Variants in MYO10 observed in about 807,000 individuals in gnomAD.
MYO10 encodes the protein unconventional myosin-X.
In MYO10, 133 loss-of-function variants were observed where a neutral mutation model predicts 257.3. The observed-to-expected ratio is 0.52, with a 90% confidence interval of 0.45 to 0.60. The LOEUF (loss-of-function observed/expected upper bound fraction) is 0.60. Ranked by LOEUF, MYO10 falls within the 20% of genes least tolerant of loss-of-function variation. The pLI, the probability that MYO10 is intolerant of heterozygous loss-of-function variation, is 0.00. For synonymous variants in MYO10, 1,104 were observed against 1,028.6 expected, an observed-to-expected ratio of 1.07 and a Z score of -1.40; for missense variants, 2,399 against 2,635.7, an observed-to-expected ratio of 0.91 and a Z score of 1.97.
At chr5:16,826,088 C>T (rs1244651554) in intron 2 of MYO10, among the ~76,000 whole-genome samples, 1 of 151,842 alleles carries the variant, frequency 6.6e-6, no homozygotes, top group African/African-American at 2.4e-5. Context: ...GCGGAGGTTA[C>T]AGTGAGCCAA....
At chr5:16,915,192 T>C (rs748247463) in intron 1 of MYO10, among the ~76,000 whole-genome samples, 1 of 152,140 alleles carries the variant, frequency 6.6e-6, no homozygotes, top group African/African-American at 2.4e-5. Flanking sequence ...CTAAGGTATA[T>C]AGTGCAAGAC....
In MYO10 at chr5:16,701,500, G is replaced by C; in HGVS notation, c.2895C>G (p.Ser965Arg). The change falls in exon 25 of 41, where the codon AGC becomes AGG. Residue 965 changes from serine to arginine, a missense_variant. Physicochemically the swap from Ser to Arg is moderately radical, Grantham distance 110. Around this residue, in one of 3 missense-constraint regions of MYO10, gnomAD observed 1,820 missense variants for 1,939.4 expected, o/e 0.94. Coordinates refer to ENST00000513610, the MANE Select transcript of MYO10 (RefSeq NM_012334.3). The surrounding 1 kb of genome is among the most constrained non-coding windows in gnomAD (Gnocchi z 8.1). ...RNIERSLSVG[S>R]EFSSELAESA... is the part of the protein sequence containing the mutation. The stretch of plus-strand genomic sequence containing the variant: ...TCTCAGCCAGCTCGCTGGAAAATTC[G>C]CTTCCCACCGACAGGGACCGCTCGA... 6.2e-7 allele frequency: 1 copy of C among 1,613,936 alleles called. No individual in the cohort carries two copies. The highest frequency in any genetic ancestry group is 8.5e-7 in the Non-Finnish European group (1 of 1,179,894).
At chr5:16,799,251 G>C (rs1163449076) in intron 3 of MYO10, among the ~76,000 whole-genome samples, 1 of 132,758 alleles carries the variant, frequency 7.5e-6, no homozygotes, top group Non-Finnish European at 1.7e-5. Context: ...CATGGGCTTT[G>C]AATGAAGGTA....
rs2126432046 is a variant in MYO10, at chr5:16,662,447, C to T, written c.*4245G>A. On this transcript the variant is annotated 3_prime_UTR_variant, in exon 41 of 41. Transcript: ENST00000513610. Reference sequence around the variant, plus strand: ...CAAACGATTTTCTCATCTCAGCCTCCCCAGTAGCTGGGACTACAGATGCGC... The same window carrying T: ...CAAACGATTTTCTCATCTCAGCCTCTCCAGTAGCTGGGACTACAGATGCGC... 2 of 149,890 alleles carry T rather than the reference C, an allele frequency of 1.3e-5. No homozygotes were observed. The highest frequency in any genetic ancestry group is 4.0e-4 in the East Asian group (2 of 4,998). 9.3% of individuals were successfully genotyped at this position (149,890 alleles called of 1,614,324 possible). A position where few individuals can be genotyped will look rare whatever the true frequency, so the allele number is the denominator to read the frequency against.
At chr5:16,806,657 A>G (rs1742285853) in intron 3 of MYO10, among the ~76,000 whole-genome samples, 1 of 151,432 alleles carries the variant, frequency 6.6e-6, no homozygotes, top group Non-Finnish European at 1.5e-5. Flanking sequence ...CAAAAAAAAA[A>G]AAAATCAAGT....
At chr5:16,796,486 A>AG (rs1741976601) in intron 3 of MYO10, among the ~76,000 whole-genome samples, 1 of 151,450 alleles carries the variant, frequency 6.6e-6, no homozygotes, top group Non-Finnish European at 1.5e-5. Flanking sequence ...AAGAAAAGAA[A>AG]GAAAGAAAGA....
At chr5:16,791,547 C>CACACACACACACAT (rs1553996583) in intron 4 of MYO10, among the ~76,000 whole-genome samples, 9,776 of 64,616 alleles carry the variant, frequency 0.15, 795 homozygotes, top group East Asian at 0.33. Flanking sequence ...TACATACATA[C>CACACACACACACAT]ACACACACAC....
Position 16,794,732 on chromosome 5 carries a change from G to A in MYO10, c.381C>T (p.Gly127=), listed in dbSNP as rs779921663. ...TGGCGAAGATGTGCGGGGGCAGCTCGCCCAGGTGGCGCCGGCTGTACTGCT... is the reference window on the plus strand; with the variant it reads ...TGGCGAAGATGTGCGGGGGCAGCTCACCCAGGTGGCGCCGGCTGTACTGCT... The part of the protein sequence containing the change: ...TMEQYSRRHL[G]ELPPHIFAIA... The change falls in exon 4 of 41, where the codon GGC becomes GGT. Residue 127 remains glycine, a synonymous_variant. Transcript: ENST00000513610. 11 of 1,613,142 alleles carry A rather than the reference G, an allele frequency of 6.8e-6. No homozygotes were observed. The highest frequency in any genetic ancestry group is 3.3e-5 in the Admixed American group (2 of 59,926).
rs166226 is a variant in MYO10 at position 16,880,408 on chromosome 5, G to A, written c.22-2701C>T. Among the ~76,000 whole-genome samples the A allele has an allele frequency of 7.2e-4, 109 of 150,802 alleles. 1 individual carries two copies. Among genetic ancestry groups the A allele is most frequent in the African/African-American group, 2.5e-3 (101 of 40,564 alleles). On this transcript the variant is annotated intron_variant, in intron 1 of 40. Coordinates refer to ENST00000513610, the MANE Select transcript of MYO10 (RefSeq NM_012334.3). ...CACTGACCAACTCACAGAGTTCCCC[G>A]GAGAGTTATACGACTCTCCTAGTAT... is the stretch of plus-strand genomic sequence containing the variant.
At chr5:16,851,759 GA>G (rs1331214061) in intron 2 of MYO10, among the ~76,000 whole-genome samples, 6 of 152,070 alleles carry the variant, frequency 3.9e-5, no homozygotes, top group African/African-American at 1.4e-4. Context: ...TTTAATTGAA[GA>G]AAGACTTAAT....
chr5:16,875,876 G>C (rs1423849592), intron 2 of MYO10, among the ~76,000 whole-genome samples: 2 of 152,178 alleles, frequency 1.3e-5, no homozygotes, highest in African/African-American at 4.8e-5. Flanking sequence ...GGGAGGCCAA[G>C]GTGGGCAGAT....
intron 2 of MYO10, among the ~76,000 whole-genome samples, chr5:16,856,466 C>CT (rs1291635563): frequency 6.6e-6 from 1 of 151,830 alleles, no homozygotes; most frequent in East Asian, 1.9e-4. Context: ...AGGAGAATCG[C>CT]TTGAACCTGG....
At chr5:16,769,852 T>G (rs34833986) in intron 9 of MYO10, among the ~76,000 whole-genome samples, 30,494 of 152,042 alleles carry the variant, frequency 0.2, 3,176 homozygotes, top group Middle Eastern at 0.23. Flanking sequence ...GCTATCAGAG[T>G]GTAATGAAAT....
chr5:16,884,010 T>C lies in MYO10; in HGVS notation c.22-6303A>G, dbSNP rs1309552152. Among the ~76,000 whole-genome samples the C allele has an allele frequency of 2.6e-5, 4 of 152,344 alleles. No individual in the cohort carries two copies. In the East Asian group the frequency reaches 7.7e-4, roughly 29 times the overall value. On this transcript the variant is annotated intron_variant, in intron 1 of 40. Transcript: ENST00000513610. ...CTCCCACAGCTGTTTCTCTCGCCTATGTTAAGTACCTCAGTTCAGGATTCT... is the reference window on the plus strand; with the variant it reads ...CTCCCACAGCTGTTTCTCTCGCCTACGTTAAGTACCTCAGTTCAGGATTCT...
intron 16 of MYO10, 53 bp downstream of exon 16, chr5:16,761,992 T>C: frequency 6.8e-7 from 1 of 1,470,118 alleles, no homozygotes; most frequent in Non-Finnish European, 9.0e-7. Flanking sequence ...AACCACTGTT[T>C]TCTCTGAATA....
intron 1 of MYO10, among the ~76,000 whole-genome samples, chr5:16,933,236 A>T (rs1746343787): frequency 2.6e-5 from 4 of 152,194 alleles, no homozygotes; most frequent in African/African-American, 9.6e-5. Context: ...AACTTGGGGG[A>T]TAGGGTTAAC....
chr5:16,663,198 G>GTAAA lies in MYO10; in HGVS notation c.*3490_*3493dup, dbSNP rs1256449713. The GTAAA allele has an allele frequency of 1.1e-4, 17 of 152,216 alleles. No individual in the cohort carries two copies. In the South Asian group the frequency reaches 3.5e-3, roughly 32 times the overall value. The allele number at this position is 152,216 out of a possible 1,614,324, so 9.4% of individuals were successfully genotyped here. On this transcript the variant is annotated 3_prime_UTR_variant, in exon 41 of 41. Transcript: ENST00000513610. ...GATGGGGATATATATGTATGTATGA[G>GTAAA]TAAATGATTGGACAGCTTAAATTAT...
intron 3 of MYO10, among the ~76,000 whole-genome samples, chr5:16,796,906 G>C (rs904670728): frequency 6.6e-6 from 1 of 152,128 alleles, no homozygotes; most frequent in Non-Finnish European, 1.5e-5. Flanking sequence ...AATCTGACTG[G>C]TGTCTTTGTT....
At chr5:16,699,422 C>A (rs771914393) in intron 26 of MYO10, 28 bp downstream of exon 26, 8 of 1,610,528 alleles carry the variant, frequency 5.0e-6, no homozygotes, top group Admixed American at 1.7e-5. Flanking sequence ...TCCCCCTAAC[C>A]CAGACTCCAT....
Sources: allele counts gnomAD v4.1 joint callset (sites outside exome capture counted in the v4.1 genomes callset), GRCh38; gene constraint gnomAD v4.1.1; regional missense constraint gnomAD v4.1.1; non-coding constraint Gnocchi (gnomAD v3.1); transcripts MANE v1.5; gene names NCBI Gene and HGNC (gene_info 2026-07-23, HGNC 2026-07-21).